Variants in SUPT3H observed in about 807,000 individuals in gnomAD.
The protein encoded by SUPT3H is transcription initiation protein SPT3 homolog.
A neutral mutation model predicts 44.3 loss-of-function variants in SUPT3H; 44 were observed. The ratio of observed to expected loss-of-function variants is 0.99; its 90% CI spans 0.78 to 1.28. SUPT3H has a LOEUF of 1.28. Among genes scored for constraint, SUPT3H ranks in the 50% most tolerant of loss-of-function variants. The pLI, the probability that SUPT3H is intolerant of heterozygous loss-of-function variation, is 0.00. For synonymous variants in SUPT3H, 124 were observed against 125.6 expected, an observed-to-expected ratio of 0.99 and a Z score of 0.09; for missense variants, 380 against 387.1, an observed-to-expected ratio of 0.98 and a Z score of 0.15.
intron 10 of SUPT3H, among the ~76,000 whole-genome samples, chr6:44,922,258 T>C (rs1768844816): frequency 6.6e-6 from 1 of 152,254 alleles, no homozygotes. Context: ...TAATTATTTT[T>C]TTCCCGCACA....
intron 2 of SUPT3H, among the ~76,000 whole-genome samples, chr6:45,267,779 C>G (rs1775497182): frequency 6.6e-6 from 1 of 152,100 alleles, no homozygotes; most frequent in Non-Finnish European, 1.5e-5. Flanking sequence ...AAGAGGCCCT[C>G]TGGAGACACC....
intron 2 of SUPT3H, among the ~76,000 whole-genome samples, chr6:45,243,292 T>C (rs1391089336): frequency 7.1e-6 from 1 of 141,316 alleles, no homozygotes; most frequent in Non-Finnish European, 1.5e-5. Flanking sequence ...TGAAAAAGAA[T>C]CTTAAGAAAA....
At chr6:44,903,711 G>T (rs575050100) in intron 10 of SUPT3H, among the ~76,000 whole-genome samples, 1 of 152,010 alleles carries the variant, frequency 6.6e-6, no homozygotes, top group African/African-American at 2.4e-5. Flanking sequence ...TACCAAAGCC[G>T]GGCAGAGACA....
At chr6:45,002,794 T>C (rs1582995501) in intron 6 of SUPT3H, among the ~76,000 whole-genome samples, 1 of 152,244 alleles carries the variant, frequency 6.6e-6, no homozygotes, top group East Asian at 1.9e-4. Context: ...AGCATGTATG[T>C]CTACTGGACC....
intron 2 of SUPT3H, among the ~76,000 whole-genome samples, chr6:45,349,394 T>C (rs780245316): frequency 6.1e-4 from 93 of 152,346 alleles, no homozygotes; most frequent in Non-Finnish European, 1.0e-3. Context: ...TAGCTACTTA[T>C]TGATAAATCG....
At chr6:44,919,863 A>T (rs549572327) in intron 10 of SUPT3H, among the ~76,000 whole-genome samples, 1 of 151,762 alleles carries the variant, frequency 6.6e-6, no homozygotes, top group East Asian at 1.9e-4. Context: ...TCTCAACACA[A>T]TCACTTCTTT....
intron 2 of SUPT3H, among the ~76,000 whole-genome samples, chr6:45,169,011 A>T (rs1265736934): frequency 6.6e-6 from 1 of 152,186 alleles, no homozygotes; most frequent in Non-Finnish European, 1.5e-5. Context: ...TGAATGACTG[A>T]TTTTAATGTA....
At chr6:45,109,313 C>T (rs971186955) in intron 2 of SUPT3H, among the ~76,000 whole-genome samples, 1 of 152,030 alleles carries the variant, frequency 6.6e-6, no homozygotes, top group African/African-American at 2.4e-5. Context: ...ATAAGGTTTT[C>T]CTTCCATTAT....
At chr6:45,071,378 CTT>C (rs1381263347) in intron 3 of SUPT3H, among the ~76,000 whole-genome samples, 1 of 152,114 alleles carries the variant, frequency 6.6e-6, no homozygotes, top group Non-Finnish European at 1.5e-5. Flanking sequence ...CCAGTAAACT[CTT>C]TATTATTTTC....
At chr6:45,343,547 TAA>T (rs1425026718) in intron 2 of SUPT3H, among the ~76,000 whole-genome samples, 1 of 151,812 alleles carries the variant, frequency 6.6e-6, no homozygotes, top group African/African-American at 2.4e-5. Context: ...AATGACTGAT[TAA>T]GAGAGAAGGT....
intron 2 of SUPT3H, among the ~76,000 whole-genome samples, chr6:45,207,846 C>T (rs1763432607): frequency 6.6e-6 from 1 of 152,148 alleles, no homozygotes; most frequent in Non-Finnish European, 1.5e-5. Flanking sequence ...CTGGAGCCTA[C>T]CTATTCCTCA....
At chr6:45,158,292 A>ATTTT (rs1562573016) in intron 2 of SUPT3H, among the ~76,000 whole-genome samples, 5 of 32,372 alleles carry the variant, frequency 1.5e-4, no homozygotes, top group Non-Finnish European at 2.7e-4. Context: ...ATATATATAT[A>ATTTT]TATATATTTT....
chr6:45,104,735 A>C (rs1020167971), intron 3 of SUPT3H, among the ~76,000 whole-genome samples: 12 of 152,102 alleles, frequency 7.9e-5, no homozygotes, highest in African/African-American at 2.7e-4. Context: ...AAATGTGTGA[A>C]GCTAAAAGAA....
At chr6:45,330,911 T>A (rs73735374) in intron 2 of SUPT3H, among the ~76,000 whole-genome samples, 22,729 of 151,858 alleles carry the variant, frequency 0.15, 1,919 homozygotes, top group East Asian at 0.26. Flanking sequence ...ATTTCCCCAT[T>A]CTATAATCTA....
At chr6:45,105,811 C>T (rs1489086544) in intron 3 of SUPT3H, 111 bp downstream of exon 3, 21 of 807,776 alleles carry the variant, frequency 2.6e-5, no homozygotes, top group Middle Eastern at 3.3e-4. Context: ...TTCAATAATG[C>T]TAACAAAAAA....
intron 3 of SUPT3H, 64 bp downstream of exon 3, chr6:45,105,858 G>A (rs1799199383): frequency 7.9e-7 from 1 of 1,261,574 alleles, no homozygotes; most frequent in African/African-American, 1.5e-5. Flanking sequence ...TTAAAGTGTT[G>A]GGTTACCATC....
intron 10 of SUPT3H, among the ~76,000 whole-genome samples, chr6:44,880,386 T>C (rs1486496515): frequency 6.6e-6 from 1 of 151,844 alleles, no homozygotes; most frequent in Admixed American, 6.6e-5. Context: ...GAAAAAAGAA[T>C]GAAAAGGAGT....
At chr6:45,113,843 A>AT (rs1800440484) in intron 2 of SUPT3H, among the ~76,000 whole-genome samples, 1 of 151,466 alleles carries the variant, frequency 6.6e-6, no homozygotes, top group African/African-American at 2.4e-5. Context: ...AAAAAAAAAA[A>AT]AAAATCAAAT....
chr6:45,306,405 A>G lies in SUPT3H; in HGVS notation c.101+58796T>C, dbSNP rs145616173. Among the ~76,000 whole-genome samples the G allele has an allele frequency of 7.2e-4, 110 of 152,246 alleles. 1 individual carries two copies. Among genetic ancestry groups the G allele is most frequent in the Non-Finnish European group, 2.2e-4 (15 of 68,016 alleles). On this transcript the variant is annotated intron_variant, in intron 2 of 10. Coordinates refer to ENST00000371459, the MANE Select transcript of SUPT3H (RefSeq NM_003599.4). ...ACTATTGGCCACTGAGCATCCCTCC[A>G]ATCTTGGTCTAAAATCAACCTCGGC...
Sources: gnomAD v4.1 joint callset for allele counts (sites outside exome capture counted in the v4.1 genomes callset) on GRCh38, gnomAD v4.1.1 for gene constraint, MANE v1.5 for transcripts, NCBI Gene and HGNC (gene_info 2026-07-23, HGNC 2026-07-21) for gene names.